The following GIGYF2 variants were observed in gnomAD, a reference collection of about 807,000 sequenced individuals.
GIGYF2 encodes GRB10-interacting GYF protein 2.
GIGYF2 carries 25 observed loss-of-function variants against 208.1 expected under a neutral mutation model. The observed-to-expected ratio is 0.12, with a 90% CI of 0.09 to 0.17. The LOEUF is 0.17. GIGYF2 is among the 10% of genes least tolerant of loss of function. The pLI is 1.00. For synonymous variants in GIGYF2, 534 were observed against 543.8 expected, an observed-to-expected ratio of 0.98 and a Z score of 0.25; for missense variants, 1,302 against 1,579.4, an observed-to-expected ratio of 0.82 and a Z score of 2.98.
chr2:232,845,756 G>T lies in GIGYF2; in HGVS notation c.3330G>T (p.Arg1110=). Residue 1110 remains arginine, a synonymous_variant, in exon 26 of 29, where the codon CGG becomes CGT. Transcript: ENST00000373563. ...GTAAATCTGTAGGTGTGTCTAACCG[G>T]CAGAATAAGAAAGTAGAAGAAGAAG... The part of the protein sequence containing the change: ...SLSKSVGVSN[R]QNKKVEEEEK... 1.2e-6 allele frequency: 2 copies of T among 1,603,988 alleles called. No individual in the cohort carries two copies. The highest frequency in any genetic ancestry group is 1.1e-5 in the South Asian group (1 of 90,920).
chr2:232,839,923 T>C lies in GIGYF2; in HGVS notation c.2841T>C (p.Ala947=). ...ACQSQATLSL[A]EIQKLEEERE... ...AGTCCCAGGCCACGCTGTCGTTGGC[T>C]GAAATCCAAAAACTAGAGGAAGAAC... The change falls in exon 23 of 29, where the codon GCT becomes GCC. Residue 947 remains alanine, a synonymous_variant. Coordinates refer to ENST00000373563, the MANE Select transcript of GIGYF2 (RefSeq NM_001103146.3). The C allele has an allele frequency of 6.2e-7, 1 of 1,614,046 alleles. No individual in the cohort carries two copies. Among genetic ancestry groups the C allele is most frequent in the South Asian group, 1.1e-5 (1 of 91,084 alleles).
rs780850762 is a variant in GIGYF2 at position 232,787,235 on chromosome 2, C to G, written c.618C>G (p.Ile206Met). The G allele has an allele frequency of 9.3e-6, 15 of 1,613,920 alleles. No homozygotes were observed. The highest frequency in any genetic ancestry group is 1.3e-5 in the Non-Finnish European group (15 of 1,179,920). ...GCTCAGAAAGTGAAAATTGGCGCAT[C>G]TTTAGAGAGGAACAAAATGGAGAAG... ...FIRSESENWR[I>M]FREEQNGEDE... The change falls in exon 9 of 29, where the codon ATC becomes ATG. Residue 206 changes from isoleucine to methionine, a missense_variant. By Grantham distance (10) the Ile-to-Met change is conservative. Around this residue, in one of 8 missense-constraint regions of GIGYF2, gnomAD observed 189 missense variants for 257.7 expected, o/e 0.73. Coordinates refer to ENST00000373563, the MANE Select transcript of GIGYF2 (RefSeq NM_001103146.3).
intron 21 of GIGYF2, among the ~76,000 whole-genome samples, chr2:232,829,374 T>C (rs930010995): frequency 6.6e-6 from 1 of 152,224 alleles, no homozygotes; most frequent in Non-Finnish European, 1.5e-5. Context: ...CATTTTTGTA[T>C]GTATCTACTG....
At chr2:232,845,120 C>T (rs1701957740) in intron 25 of GIGYF2, among the ~76,000 whole-genome samples, 1 of 152,158 alleles carries the variant, frequency 6.6e-6, no homozygotes, top group Non-Finnish European at 1.5e-5. Flanking sequence ...TGACCTTGGG[C>T]AAGAGGGAAC....
intron 14 of GIGYF2, among the ~76,000 whole-genome samples, chr2:232,803,272 T>C (rs1490838888): frequency 1.3e-5 from 2 of 152,208 alleles, no homozygotes; most frequent in African/African-American, 4.8e-5. Context: ...TGTCAGTCTT[T>C]ATCTTTTCAT....
rs150101940 is a variant in GIGYF2, at chr2:232,795,595, T to C, written c.1480-467T>C. 1.4e-4 allele frequency among the ~76,000 whole-genome samples: 21 copies of C among 152,294 alleles called. No homozygotes were observed. The East Asian group carries it at 2.5e-3, about 18-fold the overall frequency. ...CATTTAGAGTTGACCAACAGCTTAT[T>C]AGTTTAAAAAGTACTCTTAGCCAGG... is the stretch of plus-strand genomic sequence containing the variant. On this transcript the variant is annotated intron_variant, in intron 13 of 28. Transcript: ENST00000373563.
chr2:232,713,054 A>G (rs934641358), intron 2 of GIGYF2, among the ~76,000 whole-genome samples: 3 of 148,336 alleles, frequency 2.0e-5, no homozygotes, highest in Non-Finnish European at 4.4e-5. Context: ...GAGGAACTGC[A>G]TTTTTAAAAA....
intron 2 of GIGYF2, among the ~76,000 whole-genome samples, chr2:232,708,527 A>G (rs1696235935): frequency 6.6e-6 from 1 of 151,984 alleles, no homozygotes; most frequent in Non-Finnish European, 1.5e-5. Flanking sequence ...TTGAACAGAG[A>G]GATGTGGGTT....
chr2:232,769,231 T>C (rs750259775), intron 8 of GIGYF2, among the ~76,000 whole-genome samples: 1 of 152,064 alleles, frequency 6.6e-6, no homozygotes, highest in Non-Finnish European at 1.5e-5. Flanking sequence ...AGGGGACCAA[T>C]AGAATGAGTG....
At chr2:232,745,928 A>G (rs1698134350) in intron 3 of GIGYF2, among the ~76,000 whole-genome samples, 1 of 152,194 alleles carries the variant, frequency 6.6e-6, no homozygotes, top group Non-Finnish European at 1.5e-5. Context: ...ATGTTTAATT[A>G]TATCATGGAT....
At chr2:232,770,862 G>A (rs753098916) in intron 8 of GIGYF2, 1 of 1,431,260 alleles carries the variant, frequency 7.0e-7, no homozygotes, top group African/African-American at 1.4e-5. Flanking sequence ...GTTTTGTTTT[G>A]TTTTTGTTTT....
chr2:232,708,671 T>TAA (rs11365519), intron 2 of GIGYF2, among the ~76,000 whole-genome samples: 2,437 of 120,332 alleles, frequency 0.02, 90 homozygotes, highest in African/African-American at 0.071. Context: ...CTCATTTCTT[T>TAA]AAAAAAAAAA....
intron 2 of GIGYF2, among the ~76,000 whole-genome samples, chr2:232,721,542 A>G (rs1282784653): frequency 1.3e-5 from 2 of 152,136 alleles, no homozygotes; most frequent in Non-Finnish European, 2.9e-5. Flanking sequence ...TCACAGGCTC[A>G]TTCTATTCCT....
At chr2:232,773,504 A>G (rs1202113899) in intron 8 of GIGYF2, among the ~76,000 whole-genome samples, 1 of 152,134 alleles carries the variant, frequency 6.6e-6, no homozygotes, top group Non-Finnish European at 1.5e-5. Flanking sequence ...GTTTGGTGAA[A>G]TAACAGTCTT....
At chr2:232,738,236 G>A (rs1264137415) in intron 3 of GIGYF2, among the ~76,000 whole-genome samples, 2 of 151,858 alleles carry the variant, frequency 1.3e-5, no homozygotes, top group African/African-American at 4.8e-5. Context: ...ACTTTTTAAG[G>A]TCTGTGGAAT....
Position 232,749,049 on chromosome 2 carries a change from A to G in GIGYF2, c.234A>G (p.Pro78=). The change falls in exon 5 of 29, where the codon CCA becomes CCG. Residue 78 remains proline, a synonymous_variant. Coordinates refer to ENST00000373563, the MANE Select transcript of GIGYF2 (RefSeq NM_001103146.3). ...LPILQEEPLP[P]LALVPFTEEE... The stretch of plus-strand genomic sequence containing the variant: ...TCCTCCAGGAGGAACCCCTTCCACC[A>G]TTGGCTCTGGTACCCTTTACAGAAG... 1.2e-6 allele frequency: 2 copies of G among 1,601,300 alleles called. No homozygotes were observed. The highest frequency in any genetic ancestry group is 1.7e-6 in the Non-Finnish European group (2 of 1,168,388).
chr2:232,716,132 G>T (rs958925060), intron 2 of GIGYF2, among the ~76,000 whole-genome samples: 11 of 151,982 alleles, frequency 7.2e-5, no homozygotes, highest in Non-Finnish European at 1.0e-4. Context: ...TTGAGTGAAT[G>T]TGCCACTTTT....
intron 21 of GIGYF2, among the ~76,000 whole-genome samples, chr2:232,830,912 T>TC (rs1480250267): frequency 5.3e-5 from 8 of 152,250 alleles, no homozygotes; most frequent in Non-Finnish European, 1.0e-4. Context: ...TATGACAGTT[T>TC]CTTAGACTTC....
chr2:232,710,920 C>T (rs1696365345), intron 2 of GIGYF2, among the ~76,000 whole-genome samples: 1 of 151,614 alleles, frequency 6.6e-6, no homozygotes, highest in Non-Finnish European at 1.5e-5. Context: ...AGGCTGGTCT[C>T]GAACTCCTGA....
Sources: gnomAD v4.1 joint callset for allele counts (sites outside exome capture counted in the v4.1 genomes callset) on GRCh38, gnomAD v4.1.1 for gene constraint, gnomAD v4.1.1 regional missense constraint, MANE v1.5 for transcripts, NCBI Gene and HGNC (gene_info 2026-07-23, HGNC 2026-07-21) for gene names.